Variants in ZC2HC1B observed in about 807,000 individuals in gnomAD.
ZC2HC1B encodes zinc finger C2HC-type containing 1B.
Under a neutral mutation model 31.0 loss-of-function variants are expected in ZC2HC1B, and 36 were observed. That is an observed-to-expected ratio of 1.16 (90% CI 0.89 to 1.54). The LOEUF is 1.54. Ranked by LOEUF, ZC2HC1B falls within the 40% of genes most tolerant of loss-of-function variation. The probability of loss-of-function intolerance (pLI) is 0.00; values close to 1 mark genes in which losing one functional copy is unlikely to be tolerated. For missense variants in ZC2HC1B, 260 were observed against 268.6 expected (o/e 0.97, Z 0.22); for synonymous variants, 73 against 88.0 (o/e 0.83, Z 0.95).
In ZC2HC1B at chr6:143,871,527, A is replaced by G. The variant is rs184208779; in HGVS notation, c.28+6960A>G. On this transcript the variant is annotated intron_variant, in intron 1 of 7. Coordinates refer to ENST00000237275, the MANE Select transcript of ZC2HC1B (RefSeq NM_001013623.3). The surrounding 1 kb of genome is among the most constrained non-coding windows in gnomAD (Gnocchi z 4.1). Reference sequence around the variant, plus strand: ...ACAATGAAACCACATCTGGTACAGCAGCTGCAGTTGGAGTCATCACTTGGT... The same window carrying G: ...ACAATGAAACCACATCTGGTACAGCGGCTGCAGTTGGAGTCATCACTTGGT... Among the ~76,000 whole-genome samples the G allele has an allele frequency of 2.5e-3, 374 of 152,324 alleles. 1 individual carries two copies. The highest frequency in any genetic ancestry group is 8.0e-3 in the African/African-American group (332 of 41,564).
chr6:143,891,410 T>G (rs1454726427), intron 4 of ZC2HC1B, among the ~76,000 whole-genome samples: 1 of 151,760 alleles, frequency 6.6e-6, no homozygotes, highest in Non-Finnish European at 1.5e-5. Context: ...GAGTAGAAAT[T>G]GACTAGCTGG....
intron 1 of ZC2HC1B, among the ~76,000 whole-genome samples, chr6:143,864,970 G>C (rs1777238703): frequency 6.6e-6 from 1 of 152,124 alleles, no homozygotes; most frequent in African/African-American, 2.4e-5. Context: ...ATGTTTCTTT[G>C]TCATGTTACT....
intron 6 of ZC2HC1B, among the ~76,000 whole-genome samples, chr6:143,926,828 CTTTTTTT>C (rs774028763): frequency 1.0e-4 from 8 of 78,824 alleles, no homozygotes; most frequent in Admixed American, 2.6e-4. Context: ...ATTGTATCTT[CTTTTTTT>C]TTTTTTTTTT....
intron 4 of ZC2HC1B, among the ~76,000 whole-genome samples, chr6:143,896,821 C>T (rs1017922352): frequency 6.6e-6 from 1 of 152,144 alleles, no homozygotes; most frequent in South Asian, 2.1e-4. Flanking sequence ...GGCTTTTTAT[C>T]ATTTCCCAAT....
At chr6:143,935,337 C>T (rs1441930757) in intron 6 of ZC2HC1B, among the ~76,000 whole-genome samples, 1 of 152,074 alleles carries the variant, frequency 6.6e-6, no homozygotes, top group Admixed American at 6.5e-5. Flanking sequence ...TGGGTCAAGC[C>T]TGTCATCAGC....
At chr6:143,931,882 TAACGG>T in intron 6 of ZC2HC1B, among the ~76,000 whole-genome samples, 1 of 141,520 alleles carries the variant, frequency 7.1e-6, no homozygotes, top group Non-Finnish European at 1.5e-5. Flanking sequence ...TTTTTTTTTT[TAACGG>T]AGTTTCACTT....
rs1190094065 is a variant in ZC2HC1B at position 143,865,013 on chromosome 6, G to A, written c.28+446G>A. Among the ~76,000 whole-genome samples, 4 of 152,180 alleles carry A rather than the reference G, an allele frequency of 2.6e-5. No homozygotes were observed. In the East Asian group the frequency reaches 7.7e-4, roughly 29 times the overall value. Reference sequence around the variant, plus strand: ...TGTGTTATGAGGTGCTAACTTCACTGTGTTTAAATCCATATATTATATATT... The same window carrying A: ...TGTGTTATGAGGTGCTAACTTCACTATGTTTAAATCCATATATTATATATT... On this transcript the variant is annotated intron_variant, in intron 1 of 7. Coordinates refer to ENST00000237275, the MANE Select transcript of ZC2HC1B (RefSeq NM_001013623.3). This position sits in a 1 kb window ranked among gnomAD's most constrained non-coding sequence, Gnocchi z 4.4.
chr6:143,930,730 C>T (rs1452275066), intron 6 of ZC2HC1B, among the ~76,000 whole-genome samples: 1 of 152,134 alleles, frequency 6.6e-6, no homozygotes, highest in East Asian at 1.9e-4. Flanking sequence ...ACTGTGGTCT[C>T]AGAAGATACT....
At chr6:143,891,419 G>A (rs1777601285) in intron 4 of ZC2HC1B, among the ~76,000 whole-genome samples, 1 of 151,996 alleles carries the variant, frequency 6.6e-6, no homozygotes, top group Non-Finnish European at 1.5e-5. Context: ...TTGACTAGCT[G>A]GCCAGGCGTG....
Position 143,883,478 on chromosome 6 carries a change from A to G in ZC2HC1B, c.29-826A>G, listed in dbSNP as rs1482870587. On this transcript the variant is annotated intron_variant, in intron 1 of 7. Transcript: ENST00000237275. The surrounding 1 kb of genome is among the most constrained non-coding windows in gnomAD (Gnocchi z 4.1). Reference sequence around the variant, plus strand: ...TAATGTCCCTTGTTGCTTTCTTTGCATGTAGAGTAAAGCCCAGATGACTGG... The same window carrying G: ...TAATGTCCCTTGTTGCTTTCTTTGCGTGTAGAGTAAAGCCCAGATGACTGG... 6.6e-6 allele frequency among the ~76,000 whole-genome samples: 1 copy of G among 152,152 alleles called. No homozygotes were observed. The highest frequency in any genetic ancestry group is 1.5e-5 in the Non-Finnish European group (1 of 68,030).
intron 1 of ZC2HC1B, among the ~76,000 whole-genome samples, chr6:143,879,940 T>C (rs1350616469): frequency 6.7e-6 from 1 of 150,094 alleles, no homozygotes; most frequent in Non-Finnish European, 1.5e-5. Flanking sequence ...TTCTTTGGCC[T>C]CAGCCTCCTG....
rs1562335536 is a variant in ZC2HC1B at position 143,868,934 on chromosome 6, C to T, written c.28+4367C>T. Among the ~76,000 whole-genome samples the T allele has an allele frequency of 6.6e-6, 1 of 152,176 alleles. No individual in the cohort carries two copies. The highest frequency in any genetic ancestry group is 2.4e-5 in the African/African-American group (1 of 41,436). ...GATATCTTCTTAGTACACGTGTGTA[C>T]ATGCACAAACATGTTTTTAACAAAA... On this transcript the variant is annotated intron_variant, in intron 1 of 7. Transcript: ENST00000237275. The surrounding 1 kb of genome is among the most constrained non-coding windows in gnomAD (Gnocchi z 4.2).
In ZC2HC1B at chr6:143,895,953, G is replaced by A. The variant is rs988361751; in HGVS notation, c.350-2599G>A. On this transcript the variant is annotated intron_variant, in intron 4 of 7. Coordinates refer to ENST00000237275, the MANE Select transcript of ZC2HC1B (RefSeq NM_001013623.3). This position sits in a 1 kb window ranked among gnomAD's most constrained non-coding sequence, Gnocchi z 4.8. ...AGAGAGGTGACTCCGATTGAGCTGA[G>A]TGTAGAACATGTAGCTCAGTTATGC... Among the ~76,000 whole-genome samples the A allele has an allele frequency of 3.3e-5, 5 of 152,222 alleles. No homozygotes were observed. Among genetic ancestry groups the A allele is most frequent in the Non-Finnish European group, 5.9e-5 (4 of 68,042 alleles).
intron 4 of ZC2HC1B, among the ~76,000 whole-genome samples, chr6:143,892,450 T>A (rs1777611896): frequency 6.6e-6 from 1 of 152,012 alleles, no homozygotes. Flanking sequence ...TGTATGCCAC[T>A]GTGCCTGGCT....
chr6:143,919,142 A>C (rs1478411354), intron 6 of ZC2HC1B, among the ~76,000 whole-genome samples: 1 of 150,934 alleles, frequency 6.6e-6, no homozygotes, highest in Non-Finnish European at 1.5e-5. Context: ...TCTTTGTTGT[A>C]AATTGGACAT....
chr6:143,935,867 C>T (rs1778172756), intron 6 of ZC2HC1B, among the ~76,000 whole-genome samples: 2 of 151,900 alleles, frequency 1.3e-5, no homozygotes, highest in Admixed American at 6.6e-5. Context: ...CCAGACTGGT[C>T]TTGAACTCCT....
In ZC2HC1B at chr6:143,903,274, A is replaced by G. The variant is rs1777757820; in HGVS notation, c.598+122A>G. 9.4e-6 allele frequency: 8 copies of G among 854,146 alleles called. No homozygotes were observed. Among genetic ancestry groups the G allele is most frequent in the Non-Finnish European group, 1.1e-5 (6 of 537,938 alleles). The allele number at this position is 854,146 out of a possible 1,614,324, so 52.9% of individuals were successfully genotyped here. ...ACATTCACTGTTGCTTTTGGATGCA[A>G]AGATATTTGGGTTAGAGGTTAAAGC... On this transcript the variant is annotated intron_variant, in intron 6 of 7. Transcript: ENST00000237275. This position sits in a 1 kb window ranked among gnomAD's most constrained non-coding sequence, Gnocchi z 4.3.
At chr6:143,935,315 C>T (rs1379489351) in intron 6 of ZC2HC1B, among the ~76,000 whole-genome samples, 3 of 152,096 alleles carry the variant, frequency 2.0e-5, no homozygotes, top group Non-Finnish European at 2.9e-5. Flanking sequence ...CACTGGTGGG[C>T]ATGACACCAC....
intron 6 of ZC2HC1B, among the ~76,000 whole-genome samples, chr6:143,914,418 C>T (rs752698501): frequency 3.9e-5 from 6 of 152,058 alleles, no homozygotes; most frequent in Non-Finnish European, 8.8e-5. Flanking sequence ...TTTATCTCAC[C>T]GTGGTTGGAG....
Sources: allele counts gnomAD v4.1 joint callset (sites outside exome capture counted in the v4.1 genomes callset), GRCh38; gene constraint gnomAD v4.1.1; non-coding constraint Gnocchi (gnomAD v3.1); transcripts MANE v1.5; gene names NCBI Gene and HGNC (gene_info 2026-07-23, HGNC 2026-07-21).